The following PIK3C2G variants were observed in gnomAD, a reference collection of about 807,000 sequenced individuals.
PIK3C2G encodes the protein phosphatidylinositol 3-kinase C2 domain-containing subunit gamma.
In PIK3C2G, 168 loss-of-function variants were observed where a neutral mutation model predicts 181.1. That is an observed-to-expected ratio of 0.93 (90% CI 0.82 to 1.05). PIK3C2G has a LOEUF of 1.05. PIK3C2G is among the 50% of genes least tolerant of loss of function. The probability of loss-of-function intolerance (pLI) is 0.00; values close to 1 mark genes in which losing one functional copy is unlikely to be tolerated. For missense variants in PIK3C2G, 1,869 were observed against 1,732.8 expected (o/e 1.08, Z -1.40); for synonymous variants, 573 against 592.2 (o/e 0.97, Z 0.47).
intron 12 of PIK3C2G, among the ~76,000 whole-genome samples, chr12:18,364,310 A>T (rs1157077685): frequency 6.6e-6 from 1 of 152,132 alleles, no homozygotes; most frequent in Non-Finnish European, 1.5e-5. Context: ...CCACTTGCCC[A>T]TCTGGGAAAC....
chr12:18,392,306 G>A (rs1292919717), intron 15 of PIK3C2G, among the ~76,000 whole-genome samples: 3 of 152,096 alleles, frequency 2.0e-5, no homozygotes, highest in Non-Finnish European at 4.4e-5. Context: ...TCTGGAGGAG[G>A]AATTAGTTTG....
At chr12:18,710,542 A>G in the PIK3C2G span, among the ~76,000 whole-genome samples, 3 of 152,110 alleles carry the variant, frequency 2.0e-5, no homozygotes, top group African/African-American at 7.2e-5. Context: ...GGGGAATGAC[A>G]TAGTCTGAGT....
At chr12:18,644,431 A>G (rs1463120193) in intron 32 of PIK3C2G, among the ~76,000 whole-genome samples, 1 of 152,186 alleles carries the variant, frequency 6.6e-6, no homozygotes, top group Non-Finnish European at 1.5e-5. Context: ...CATGCTTATA[A>G]TCAATATATT....
chr12:18,698,242 CTTCTATTCTA>C, the PIK3C2G span, among the ~76,000 whole-genome samples: 184 of 145,510 alleles, frequency 1.3e-3, no homozygotes, highest in African/African-American at 3.2e-3. Flanking sequence ...ATACACTTTT[CTTCTATTCTA>C]TTCTATTCTA....
chr12:18,693,135 C>T, the PIK3C2G span: 110 of 1,510,994 alleles, frequency 7.3e-5, 2 homozygotes, highest in South Asian at 1.2e-3. Context: ...TGATGACAAT[C>T]ATGCCATCGT....
chr12:18,431,351 A>AG (rs1946149313), intron 18 of PIK3C2G, among the ~76,000 whole-genome samples: 1 of 152,222 alleles, frequency 6.6e-6, no homozygotes, highest in South Asian at 2.1e-4. Flanking sequence ...ATTAGCATCC[A>AG]GGCAGGAGGA....
At chr12:18,489,944 C>T (rs1483256488) in intron 19 of PIK3C2G, among the ~76,000 whole-genome samples, 1 of 151,944 alleles carries the variant, frequency 6.6e-6, no homozygotes, top group Non-Finnish European at 1.5e-5. Context: ...TGAGTGGCTG[C>T]TTTTGTGATA....
chr12:18,269,902 T>TTTCTC lies in PIK3C2G; in HGVS notation c.-79+8327_-79+8328insCTCTT, dbSNP rs1231076089. On this transcript the variant is annotated intron_variant, in intron 1 of 32. Transcript: ENST00000538779. ...CTGACAAGTTACCCTTTTTTCTTTT[T>TTTCTC]TTTTCTTTTCTTTTTTTTTTTTTTT... 1.1e-4 allele frequency among the ~76,000 whole-genome samples: 14 copies of TTTCTC among 133,144 alleles called. 2 individuals carry two copies. The highest frequency in any genetic ancestry group is 7.9e-5 in the Admixed American group (1 of 12,682). 87.3% of individuals were successfully genotyped at this position (133,144 alleles called of 152,430 possible).
intron 26 of PIK3C2G, among the ~76,000 whole-genome samples, chr12:18,548,501 T>C (rs1288342874): frequency 6.6e-6 from 1 of 152,000 alleles, no homozygotes; most frequent in Non-Finnish European, 1.5e-5. Context: ...TGCAACACAC[T>C]GAGATCTGTA....
chr12:18,581,075 G>C (rs78177462), intron 29 of PIK3C2G, among the ~76,000 whole-genome samples: 1 of 152,156 alleles, frequency 6.6e-6, no homozygotes, highest in Non-Finnish European at 1.5e-5. Flanking sequence ...CATAGGAAAA[G>C]CACTTAGGTT....
Position 18,424,052 on chromosome 12 carries a change from A to G in PIK3C2G, c.2504+13A>G. 6.4e-7 allele frequency: 1 copy of G among 1,553,108 alleles called. No homozygotes were observed. Among genetic ancestry groups the G allele is most frequent in the Non-Finnish European group, 8.9e-7 (1 of 1,128,984 alleles). ...ATCGTCTTTACTGGTAAGATTAACTAAATCAGGCAAGGATGCCTTTTTAAT... is the reference window on the plus strand; with the variant it reads ...ATCGTCTTTACTGGTAAGATTAACTGAATCAGGCAAGGATGCCTTTTTAAT... On this transcript the variant is annotated intron_variant, in intron 18 of 32. Coordinates refer to ENST00000538779, the MANE Select transcript of PIK3C2G (RefSeq NM_001288772.2).
the PIK3C2G span, among the ~76,000 whole-genome samples, chr12:18,654,107 A>G: frequency 1.3e-5 from 2 of 152,114 alleles, no homozygotes; most frequent in Admixed American, 6.6e-5. Flanking sequence ...TACTGCCTTA[A>G]AAGAAATATT....
At chr12:18,466,485 C>A (rs373630923) in intron 18 of PIK3C2G, among the ~76,000 whole-genome samples, 1 of 151,726 alleles carries the variant, frequency 6.6e-6, no homozygotes, top group Non-Finnish European at 1.5e-5. Flanking sequence ...TTGTAGAACC[C>A]TTTTTAAAAG....
the PIK3C2G span, among the ~76,000 whole-genome samples, chr12:18,698,977 T>C: frequency 6.6e-6 from 1 of 152,188 alleles, no homozygotes; most frequent in Non-Finnish European, 1.5e-5. Context: ...CACCTGGCTC[T>C]TAAGTTAGTT....
intron 25 of PIK3C2G, among the ~76,000 whole-genome samples, chr12:18,544,155 A>G (rs1255440957): frequency 6.6e-6 from 1 of 151,814 alleles, no homozygotes; most frequent in Non-Finnish European, 1.5e-5. Flanking sequence ...AGAAAAATGT[A>G]TGTGTGGAGG....
At chr12:18,693,828 T>C in the PIK3C2G span, 12 of 1,529,936 alleles carry the variant, frequency 7.8e-6, no homozygotes, top group Non-Finnish European at 1.1e-5. Context: ...GGCAGGAAGA[T>C]TGAGTTCCCC....
chr12:18,689,886 G>T, the PIK3C2G span, among the ~76,000 whole-genome samples: 1 of 140,412 alleles, frequency 7.1e-6, no homozygotes, highest in African/African-American at 3.3e-5. Context: ...ATCTGAGCAA[G>T]TCATAAAGTA....
At chr12:18,250,423 A>C (rs560633520) in intron 1 of PIK3C2G, among the ~76,000 whole-genome samples, 97 of 152,242 alleles carry the variant, frequency 6.4e-4, no homozygotes, top group African/African-American at 2.2e-3. Flanking sequence ...CTCATAAGGC[A>C]TGATTTTTCT....
At chr12:18,276,546 T>C (rs1948994838) in intron 1 of PIK3C2G, among the ~76,000 whole-genome samples, 1 of 152,172 alleles carries the variant, frequency 6.6e-6, no homozygotes, top group Admixed American at 6.5e-5. Context: ...AATACGTTCT[T>C]CATGAATTTT....
Sources: allele counts gnomAD v4.1 joint callset (sites outside exome capture counted in the v4.1 genomes callset), GRCh38; gene constraint gnomAD v4.1.1; transcripts MANE v1.5; gene names NCBI Gene and HGNC (gene_info 2026-07-23, HGNC 2026-07-21).